Variants in FOXP1 observed in about 807,000 individuals in gnomAD.
The protein encoded by FOXP1 is forkhead box P1.
In FOXP1, 15 loss-of-function variants were observed where a neutral mutation model predicts 98.2. The ratio of observed to expected loss-of-function variants is 0.15; its 90% CI spans 0.10 to 0.24. The LOEUF is 0.24. FOXP1 is among the 10% of genes least tolerant of loss of function. FOXP1 has a pLI of 1.00. For synonymous variants in FOXP1, 371 were observed against 314.5 expected (o/e 1.18, Z -1.90); for missense variants, 633 against 848.5 (o/e 0.75, Z 3.15).
chr3:71,459,792 A>G (rs1164344790), intron 3 of FOXP1, among the ~76,000 whole-genome samples: 1 of 152,252 alleles, frequency 6.6e-6, no homozygotes, highest in Admixed American at 6.5e-5. Context: ...ATAATTAATC[A>G]GTGTGTTAAG....
chr3:71,237,018 G>A (rs552363279), intron 5 of FOXP1, among the ~76,000 whole-genome samples: 1 of 151,482 alleles, frequency 6.6e-6, no homozygotes, highest in East Asian at 1.9e-4. Context: ...CAAATCACGA[G>A]GTCAGGAGTT....
chr3:71,294,658 C>G (rs1264041316), intron 5 of FOXP1, among the ~76,000 whole-genome samples: 1 of 152,058 alleles, frequency 6.6e-6, no homozygotes, highest in Non-Finnish European at 1.5e-5. Flanking sequence ...TAGATTGGAG[C>G]AACTGAATCA....
Position 71,033,615 on chromosome 3 carries a change from A to C in FOXP1, c.869+7713T>G, listed in dbSNP as rs1264152514. ...AAAGTGAACAGTCAAAAAAAAAAAA[A>C]AAAAAAAAAAAACAACCCATAAACC... On this transcript the variant is annotated intron_variant, in intron 11 of 20. Coordinates refer to ENST00000649528, the MANE Select transcript of FOXP1 (RefSeq NM_001349338.3). 4.3e-3 allele frequency among the ~76,000 whole-genome samples: 653 copies of C among 151,032 alleles called. 9 individuals are homozygous for C. Among genetic ancestry groups the C allele is most frequent in the African/African-American group, 0.015 (601 of 41,334 alleles).
At position 71,041,510 on chromosome 3, in the gene FOXP1, C is replaced by T. The variant is rs143860130; in HGVS notation, c.687G>A (p.Gln229=). 6.2e-7 allele frequency: 1 copy of T among 1,613,804 alleles called. No homozygotes were observed. The highest frequency in any genetic ancestry group is 2.2e-5 in the East Asian group (1 of 44,882). Residue 229 remains glutamine, a synonymous_variant, in exon 11 of 21, where the codon CAG becomes CAA. Transcript: ENST00000649528. ...LAQGMIPTEL[Q]QLWKEVTSAH... is the part of the protein sequence containing the mutation. ...CACTTGTCACTTCTTTCCAGAGCTGCTGCAGTTCTGTTGGAATCATGCCTG... is the reference window on the plus strand; with the variant it reads ...CACTTGTCACTTCTTTCCAGAGCTGTTGCAGTTCTGTTGGAATCATGCCTG...
intron 2 of FOXP1, among the ~76,000 whole-genome samples, chr3:71,577,769 G>C (rs576317146): frequency 2.0e-5 from 3 of 151,570 alleles, no homozygotes; most frequent in African/African-American, 7.3e-5. Flanking sequence ...TCACCTGGTG[G>C]GACTAACTAC....
At position 70,977,991 on chromosome 3, in the gene FOXP1, T is replaced by C. The variant is rs1392242958; in HGVS notation, c.1185A>G (p.Ala395=). 2.5e-6 allele frequency: 4 copies of C among 1,613,954 alleles called. No homozygotes were observed. Among genetic ancestry groups the C allele is most frequent in the African/African-American group, 1.3e-5 (1 of 74,878 alleles). The change falls in exon 15 of 21, where the codon GCA becomes GCG. Residue 395 remains alanine, a synonymous_variant. Transcript: ENST00000649528. ...LVSSVTLSKS[A]SEASPQSLPH... ...GTAAGCTCTGTGGAGAAGCCTCCGA[T>C]GCGGACTTGGAGAGAGTGACACTTG...
chr3:71,336,228 A>G (rs780454535), intron 4 of FOXP1, among the ~76,000 whole-genome samples: 10 of 151,084 alleles, frequency 6.6e-5, no homozygotes, highest in Non-Finnish European at 1.3e-4. Context: ...ACATGTTTAA[A>G]TTTATAGTTT....
At chr3:71,031,877 T>C (rs933998758) in intron 11 of FOXP1, among the ~76,000 whole-genome samples, 2 of 152,236 alleles carry the variant, frequency 1.3e-5, no homozygotes, top group Non-Finnish European at 2.9e-5. Flanking sequence ...TCCATGTGGA[T>C]GTGTGTTTTT....
chr3:70,970,791 A>G lies in FOXP1; in HGVS notation c.1667T>C (p.Ile556Thr), dbSNP rs751381124. 6.2e-7 allele frequency: 1 copy of G among 1,613,378 alleles called. No individual in the cohort carries two copies. The highest frequency in any genetic ancestry group is 8.5e-7 in the Non-Finnish European group (1 of 1,179,278). Residue 556 changes from isoleucine to threonine, a missense_variant, in exon 19 of 21, where the codon ATT (isoleucine) becomes ACT (threonine). Ile to Thr is a moderately conservative substitution (Grantham distance 89, BLOSUM62 -1). Coordinates refer to ENST00000649528, the MANE Select transcript of FOXP1 (RefSeq NM_001349338.3). ...GGCGTGGCTGCTCTGCATGTTTTTA[A>G]TAAGGGAAGGGTTACTGTGTAAGAA... is the stretch of plus-strand genomic sequence containing the variant. ...PQKISGNPSL[I>T]KNMQSSHAYC...
intron 6 of FOXP1, among the ~76,000 whole-genome samples, chr3:71,164,252 TGCAGTGGC>T (rs1206927488): frequency 3.3e-5 from 5 of 152,098 alleles, no homozygotes; most frequent in Admixed American, 1.3e-4. Flanking sequence ...CAGGCTGGAG[TGCAGTGGC>T]GCAATCTCGG....
chr3:71,331,217 G>A (rs1266390575), intron 4 of FOXP1, among the ~76,000 whole-genome samples: 10 of 152,182 alleles, frequency 6.6e-5, no homozygotes, highest in African/African-American at 1.7e-4. Context: ...CGGCGGCCCC[G>A]CACTTGGAGT....
chr3:71,244,692 AT>A (rs943581765), intron 5 of FOXP1, among the ~76,000 whole-genome samples: 15 of 148,720 alleles, frequency 1.0e-4, no homozygotes, highest in Admixed American at 2.0e-4. Flanking sequence ...AACTGGTGGC[AT>A]TTTTTTTTTC....
chr3:71,209,584 T>C (rs2064302188), intron 5 of FOXP1, among the ~76,000 whole-genome samples: 1 of 152,222 alleles, frequency 6.6e-6, no homozygotes, highest in Admixed American at 6.5e-5. Flanking sequence ...CAGGGGTTCA[T>C]TCTGTCAGCT....
At chr3:71,532,251 C>T (rs1458788097) in intron 2 of FOXP1, among the ~76,000 whole-genome samples, 1 of 152,106 alleles carries the variant, frequency 6.6e-6, no homozygotes. Context: ...AGATGTGTGC[C>T]ACCACACCCA....
At chr3:71,205,177 T>A (rs2063942529) in intron 5 of FOXP1, among the ~76,000 whole-genome samples, 1 of 152,182 alleles carries the variant, frequency 6.6e-6, no homozygotes, top group Admixed American at 6.5e-5. Flanking sequence ...CCTGGTCTGA[T>A]AAGGGACGGC....
chr3:71,019,819 A>G (rs2045135042), intron 11 of FOXP1, among the ~76,000 whole-genome samples: 1 of 150,262 alleles, frequency 6.7e-6, no homozygotes, highest in Admixed American at 6.6e-5. Flanking sequence ...GACAGATGAC[A>G]GAGCGAGACA....
At chr3:71,124,706 G>A (rs1213618777) in intron 6 of FOXP1, among the ~76,000 whole-genome samples, 2 of 151,504 alleles carry the variant, frequency 1.3e-5, no homozygotes, top group East Asian at 3.9e-4. Flanking sequence ...TAAAGATTAT[G>A]TGACATGTGT....
chr3:71,384,037 T>C (rs1189043135), intron 3 of FOXP1, among the ~76,000 whole-genome samples: 1 of 152,082 alleles, frequency 6.6e-6, no homozygotes, highest in East Asian at 1.9e-4. Flanking sequence ...GCCAACGTGG[T>C]GTAACCCTGC....
chr3:71,114,571 G>A (rs1452089806), intron 6 of FOXP1, among the ~76,000 whole-genome samples: 1 of 152,196 alleles, frequency 6.6e-6, no homozygotes. Context: ...AAAAGACCAT[G>A]GGAAAGTGGA....
Sources: gnomAD v4.1 joint callset for allele counts (sites outside exome capture counted in the v4.1 genomes callset) on GRCh38, gnomAD v4.1.1 for gene constraint, MANE v1.5 for transcripts, NCBI Gene and HGNC (gene_info 2026-07-23, HGNC 2026-07-21) for gene names.